Variants in DIP2B observed in about 807,000 individuals in gnomAD.
DIP2B encodes the protein DIP2 acetate--CoA ligase B (putative).
Under a neutral mutation model 198.0 loss-of-function variants are expected in DIP2B, and 76 were observed. That is an observed-to-expected ratio of 0.38 (90% confidence interval 0.32 to 0.46). The LOEUF (loss-of-function observed/expected upper bound fraction) is 0.46. Among genes scored for constraint, DIP2B ranks in the 20% least tolerant of loss-of-function variants. The pLI, the probability that DIP2B is intolerant of heterozygous loss-of-function variation, is 0.99. For missense variants in DIP2B, 1,559 were observed against 1,978.4 expected (o/e 0.79, Z 4.02); for synonymous variants, 701 against 739.1 (o/e 0.95, Z 0.84).
At chr12:50,505,307 C>T (rs1957956557) in intron 1 of DIP2B, 67 bp downstream of exon 1, 4 of 1,298,392 alleles carry the variant, frequency 3.1e-6, no homozygotes, top group African/African-American at 1.6e-5. Flanking sequence ...GAGACAGGTC[C>T]CCGCCGCGCG....
intron 1 of DIP2B, among the ~76,000 whole-genome samples, chr12:50,579,393 A>C (rs901692087): frequency 6.6e-6 from 1 of 151,554 alleles, no homozygotes; most frequent in Non-Finnish European, 1.5e-5. Flanking sequence ...AGGGCAGATC[A>C]CTTGAGCCCA....
intron 29 of DIP2B, 124 bp from the exon 30 acceptor site, chr12:50,728,424 C>A (rs1385050246): frequency 3.6e-6 from 4 of 1,124,308 alleles, no homozygotes; most frequent in Non-Finnish European, 4.9e-6. Flanking sequence ...GGCTTTGAAG[C>A]ACTAAAAATT....
chr12:50,698,050 A>C (rs1945146611), intron 17 of DIP2B, among the ~76,000 whole-genome samples: 1 of 151,890 alleles, frequency 6.6e-6, no homozygotes. Context: ...ATGTGCCATC[A>C]TACCCAGCTA....
chr12:50,550,317 T>C (rs768721316), intron 1 of DIP2B, among the ~76,000 whole-genome samples: 3 of 152,172 alleles, frequency 2.0e-5, no homozygotes, highest in Non-Finnish European at 4.4e-5. Context: ...AGTTTCTTCA[T>C]TGATTTTTTT....
rs1939870278 is a variant in DIP2B at position 50,723,054 on chromosome 12, C to T, written c.3167-148C>T. The T allele has an allele frequency of 4.6e-6, 4 of 875,492 alleles. No homozygotes were observed. The East Asian group carries it at 8.0e-5, about 18-fold the overall frequency. 54.2% of individuals were successfully genotyped at this position (875,492 alleles called of 1,614,324 possible). A position where few individuals can be genotyped will look rare whatever the true frequency, so the allele number is the denominator to read the frequency against. ...TTTATATGCTTCCTTCTTTCACTTT[C>T]AATATCTTCTGCTAGGGTCTTTGTT... On this transcript the variant is annotated intron_variant, in intron 26 of 37. Transcript: ENST00000301180.
At chr12:50,593,261 C>T (rs544870359) in intron 1 of DIP2B, among the ~76,000 whole-genome samples, 1 of 152,270 alleles carries the variant, frequency 6.6e-6, no homozygotes, top group South Asian at 2.1e-4. Context: ...AATCCCAGCA[C>T]TTTGGGAGGC....
chr12:50,622,130 A>G (rs1319189626), intron 1 of DIP2B, among the ~76,000 whole-genome samples: 1 of 152,102 alleles, frequency 6.6e-6, no homozygotes, highest in African/African-American at 2.4e-5. Flanking sequence ...TGGAGGTAGG[A>G]GATCTTGTGA....
intron 1 of DIP2B, among the ~76,000 whole-genome samples, chr12:50,589,437 C>T (rs192388949): frequency 6.6e-6 from 1 of 151,772 alleles, no homozygotes; most frequent in Admixed American, 6.6e-5. Context: ...CCTCGGCGTC[C>T]CAAAGTGCTG....
At position 50,505,140 on chromosome 12, in the gene DIP2B, G is replaced by A. The variant is rs1255737312; in HGVS notation, c.-1G>A. The A allele has an allele frequency of 6.5e-7, 1 of 1,530,096 alleles. No individual in the cohort carries two copies. Among genetic ancestry groups the A allele is most frequent in the African/African-American group, 1.4e-5 (1 of 71,684 alleles). The allele number at this position is 1,530,096 out of a possible 1,614,324, so 94.8% of individuals were successfully genotyped here. On this transcript the variant is annotated 5_prime_UTR_variant, in exon 1 of 38. Transcript: ENST00000301180. ...TCCGGAGTGTGGCTGGCGGAGCTGG[G>A]ATGGCGGAACGAGGCCTGGAGCCGT...
At position 50,680,782 on chromosome 12, in the gene DIP2B, G is replaced by T. The variant is rs1436191254; in HGVS notation, c.1206+19G>T. 6.2e-7 allele frequency: 1 copy of T among 1,605,866 alleles called. No individual in the cohort carries two copies. The highest frequency in any genetic ancestry group is 1.3e-5 in the African/African-American group (1 of 74,604). ...AGACAGGGTAATTGGTGTGATTTTG[G>T]TTTTAGGGAGGTGGTGTTTATTGTT... is the stretch of plus-strand genomic sequence containing the variant. On this transcript the variant is annotated intron_variant, in intron 9 of 37. Coordinates refer to ENST00000301180, the MANE Select transcript of DIP2B (RefSeq NM_173602.3).
At chr12:50,599,623 C>G (rs1958918688) in intron 1 of DIP2B, among the ~76,000 whole-genome samples, 1 of 151,436 alleles carries the variant, frequency 6.6e-6, no homozygotes, top group Non-Finnish European at 1.5e-5. Flanking sequence ...CTCAAAAAAA[C>G]AAAAAACAAA....
At chr12:50,716,024 G>A (rs1448103210) in intron 23 of DIP2B, among the ~76,000 whole-genome samples, 2 of 152,160 alleles carry the variant, frequency 1.3e-5, no homozygotes, top group East Asian at 3.8e-4. Flanking sequence ...CTCACGAAAT[G>A]CACACAGAAG....
At chr12:50,641,473 G>A (rs1040527576) in intron 3 of DIP2B, among the ~76,000 whole-genome samples, 1 of 152,198 alleles carries the variant, frequency 6.6e-6, no homozygotes, top group African/African-American at 2.4e-5. Flanking sequence ...GTGAAGGGTT[G>A]GGTCTTGTGG....
chr12:50,630,403 T>C (rs1224606582), intron 2 of DIP2B, among the ~76,000 whole-genome samples: 1 of 152,166 alleles, frequency 6.6e-6, no homozygotes, highest in Non-Finnish European at 1.5e-5. Flanking sequence ...TGTGGATTTG[T>C]CAGTTTTCCA....
chr12:50,646,686 T>C (rs182313726), intron 3 of DIP2B, among the ~76,000 whole-genome samples: 311 of 152,286 alleles, frequency 2.0e-3, no homozygotes, highest in African/African-American at 7.1e-3. Flanking sequence ...CCTCTCAATG[T>C]GCTGGGATTA....
At position 50,695,271 on chromosome 12, in the gene DIP2B, T is replaced by C. The variant is rs1939291154; in HGVS notation, c.1724T>C (p.Val575Ala). Residue 575 changes from valine to alanine, a missense_variant, in exon 15 of 38, where the codon GTA (valine) becomes GCA (alanine). Transcript: ENST00000301180. ...TCTTCTTTCTTTGTTTTTCAGAATG[T>C]AATGAATAAGATGCACACAATCAGC... is the stretch of plus-strand genomic sequence containing the variant. ...AGLWHGMFANVMNKMHTISVP... is the reference protein window; with the variant it reads ...AGLWHGMFANAMNKMHTISVP... The C allele has an allele frequency of 6.2e-7, 1 of 1,612,958 alleles. No homozygotes were observed. The highest frequency in any genetic ancestry group is 8.5e-7 in the Non-Finnish European group (1 of 1,179,504).
intron 4 of DIP2B, among the ~76,000 whole-genome samples, chr12:50,662,636 T>C (rs1938671627): frequency 6.6e-6 from 1 of 152,230 alleles, no homozygotes; most frequent in Non-Finnish European, 1.5e-5. Context: ...CAGAACTTGT[T>C]ACAGCCTAAC....
At chr12:50,665,775 GA>G (rs202230326) in intron 4 of DIP2B, among the ~76,000 whole-genome samples, 1,126 of 107,080 alleles carry the variant, frequency 0.011, 11 homozygotes, top group African/African-American at 0.029. Flanking sequence ...AACCTCAACT[GA>G]AAAAAAAAAA....
At chr12:50,518,897 T>A (rs1958090420) in intron 1 of DIP2B, among the ~76,000 whole-genome samples, 1 of 152,176 alleles carries the variant, frequency 6.6e-6, no homozygotes, top group African/African-American at 2.4e-5. Flanking sequence ...CATGTCACCA[T>A]GCCTGGCTAA....
Sources: allele counts gnomAD v4.1 joint callset (sites outside exome capture counted in the v4.1 genomes callset), GRCh38; gene constraint gnomAD v4.1.1; transcripts MANE v1.5; gene names NCBI Gene and HGNC (gene_info 2026-07-23, HGNC 2026-07-21).